ARHGAP8: variants seen among roughly 807,000 people sequenced by gnomAD.
ARHGAP8 encodes the protein rho GTPase-activating protein 8.
A neutral mutation model predicts 46.1 loss-of-function variants in ARHGAP8; 62 were observed. The ratio of observed to expected loss-of-function variants is 1.34; its 90% CI spans 1.10 to 1.66. The LOEUF (loss-of-function observed/expected upper bound fraction) is 1.66, where lower values mean the gene tolerates loss of function less well. ARHGAP8 is among the 40% of genes most tolerant of loss of function. The probability of loss-of-function intolerance (pLI) is 0.00; values close to 1 mark genes in which losing one functional copy is unlikely to be tolerated. For synonymous variants in ARHGAP8, 375 were observed against 243.1 expected, an observed-to-expected ratio of 1.54 and a Z score of -5.05; for missense variants, 923 against 568.4, an observed-to-expected ratio of 1.62 and a Z score of -6.34.
intron 10 of ARHGAP8, among the ~76,000 whole-genome samples, chr22:44,853,629 T>C (rs1359414582): frequency 6.6e-6 from 1 of 152,214 alleles, no homozygotes; most frequent in African/African-American, 2.4e-5. Context: ...AGAATGGGAA[T>C]TGACCTATGT....
At chr22:44,809,247 G>A (rs1421476147) in intron 4 of ARHGAP8, 1 of 443,804 alleles carries the variant, frequency 2.3e-6, no homozygotes, top group Non-Finnish European at 4.8e-6. Flanking sequence ...TGAATTTCAT[G>A]TCATTTTCAC....
At position 44,807,564 on chromosome 22, in the gene ARHGAP8, C is replaced by T. The variant is rs140669667; in HGVS notation, c.168-743C>T. Among the ~76,000 whole-genome samples the T allele has an allele frequency of 2.3e-3, 343 of 152,296 alleles. 1 individual carries two copies. Among genetic ancestry groups the T allele is most frequent in the African/African-American group, 8.0e-3 (332 of 41,554 alleles). ...AAGGGCCTGTGGTGTTGGGGGTCAACGGCAAGGGCTGAGCAGTCAAGCATT... is the reference window on the plus strand; with the variant it reads ...AAGGGCCTGTGGTGTTGGGGGTCAATGGCAAGGGCTGAGCAGTCAAGCATT... On this transcript the variant is annotated intron_variant, in intron 3 of 11. Coordinates refer to ENST00000356099, the MANE Select transcript of ARHGAP8 (RefSeq NM_181335.3).
At chr22:44,754,003 A>G (rs1260392588) in intron 1 of ARHGAP8, among the ~76,000 whole-genome samples, 5 of 152,014 alleles carry the variant, frequency 3.3e-5, no homozygotes, top group Non-Finnish European at 7.4e-5. Context: ...CATTCCCCAA[A>G]CCAACGCCAG....
At chr22:44,786,748 C>T (rs1602173629) in intron 2 of ARHGAP8, 142 bp downstream of exon 2, 2 of 1,293,574 alleles carry the variant, frequency 1.5e-6, no homozygotes, top group East Asian at 5.1e-5. Flanking sequence ...GGTGCAGTGG[C>T]TCATACCTTT....
At position 44,822,440 on chromosome 22, in the gene ARHGAP8, C is replaced by T. The variant is rs753961460; in HGVS notation, c.456C>T (p.Asp152=). 6.4e-7 allele frequency: 1 copy of T among 1,565,258 alleles called. No homozygotes were observed. The highest frequency in any genetic ancestry group is 8.6e-7 in the Non-Finnish European group (1 of 1,163,848). The change falls in exon 6 of 12, where the codon GAC becomes GAT. Residue 152 remains aspartate (D), a synonymous_variant. Coordinates refer to ENST00000356099, the MANE Select transcript of ARHGAP8 (RefSeq NM_181335.3). The part of the protein sequence containing the change: ...LSELHEHLKY[D]QLVIPPEVLR... ...AGCTCCACGAACACCTTAAATACGA[C>T]CAGCTGGTCATCCCTCCCGAAGTTT...
chr22:44,861,360 T>C (rs1363863854), intron 11 of ARHGAP8, among the ~76,000 whole-genome samples: 1 of 152,160 alleles, frequency 6.6e-6, no homozygotes, highest in Non-Finnish European at 1.5e-5. Context: ...TGGGGTGTGG[T>C]GTTGCGTGTT....
chr22:44,827,955 C>A (rs561149184), intron 7 of ARHGAP8, among the ~76,000 whole-genome samples: 1 of 152,252 alleles, frequency 6.6e-6, no homozygotes, highest in East Asian at 1.9e-4. Context: ...GAGGTCTGCA[C>A]GGTCCAGTAT....
intron 2 of ARHGAP8, among the ~76,000 whole-genome samples, chr22:44,795,797 A>G (rs1173338277): frequency 1.3e-5 from 2 of 151,438 alleles, no homozygotes; most frequent in African/African-American, 4.9e-5. Flanking sequence ...CTCCCAGGAC[A>G]CCTCCCGGGA....
At chr22:44,774,708 A>C (rs1342238114) in intron 1 of ARHGAP8, among the ~76,000 whole-genome samples, 4 of 151,638 alleles carry the variant, frequency 2.6e-5, no homozygotes, top group African/African-American at 4.9e-5. Flanking sequence ...TTTTTAGTAG[A>C]GACGGATTTT....
intron 7 of ARHGAP8, among the ~76,000 whole-genome samples, chr22:44,828,279 G>T (rs540298661): frequency 6.6e-6 from 1 of 152,106 alleles, no homozygotes; most frequent in Non-Finnish European, 1.5e-5. Context: ...GAGAATTTGC[G>T]GGTGCGAACA....
At chr22:44,808,587 G>A in intron 4 of ARHGAP8, 149 bp downstream of exon 4, 1 of 1,417,354 alleles carries the variant, frequency 7.1e-7, no homozygotes. Context: ...GGCAGTGGAG[G>A]TTCACCTCCC....
chr22:44,824,742 C>T (rs1325040840), intron 6 of ARHGAP8, among the ~76,000 whole-genome samples: 1 of 151,456 alleles, frequency 6.6e-6, no homozygotes, highest in African/African-American at 2.4e-5. Context: ...AAGTGATTCT[C>T]CTACCTCAGC....
At chr22:44,813,418 GTACA>G (rs1396755661) in intron 4 of ARHGAP8, among the ~76,000 whole-genome samples, 1 of 61,232 alleles carries the variant, frequency 1.6e-5, no homozygotes, top group Non-Finnish European at 2.9e-5. Flanking sequence ...ACACCTACAT[GTACA>G]TACACTTACA....
intron 1 of ARHGAP8, among the ~76,000 whole-genome samples, chr22:44,758,317 G>C (rs1268529443): frequency 6.6e-6 from 1 of 152,164 alleles, no homozygotes; most frequent in Non-Finnish European, 1.5e-5. Flanking sequence ...AGCTACTCGG[G>C]AGGCTGAGGC....
At chr22:44,753,047 G>A in intron 1 of ARHGAP8, among the ~76,000 whole-genome samples, 1 of 151,468 alleles carries the variant, frequency 6.6e-6, no homozygotes, top group Non-Finnish European at 1.5e-5. Context: ...AGCGCCTGGG[G>A]GAGGCACCTC....
intron 7 of ARHGAP8, among the ~76,000 whole-genome samples, chr22:44,825,981 G>T (rs1158256825): frequency 2.0e-5 from 3 of 151,564 alleles, no homozygotes; most frequent in Non-Finnish European, 4.4e-5. Flanking sequence ...GACCGGCAGT[G>T]GGTAGTGGAT....
At chr22:44,857,552 T>C (rs993435413) in intron 10 of ARHGAP8, among the ~76,000 whole-genome samples, 1 of 151,900 alleles carries the variant, frequency 6.6e-6, no homozygotes, top group Non-Finnish European at 1.5e-5. Flanking sequence ...TGATGCCAGG[T>C]TGGAAGAAGA....
chr22:44,762,186 C>T (rs1348541809), intron 1 of ARHGAP8, among the ~76,000 whole-genome samples: 1 of 152,134 alleles, frequency 6.6e-6, no homozygotes, highest in Non-Finnish European at 1.5e-5. Flanking sequence ...GCCTGTGATC[C>T]CAGTGAGCCG....
At chr22:44,861,737 G>C (rs8138737) in intron 11 of ARHGAP8, among the ~76,000 whole-genome samples, 29,401 of 152,044 alleles carry the variant, frequency 0.19, 3,118 homozygotes, top group East Asian at 0.34. Flanking sequence ...GTACCTTCCA[G>C]GCCCCAGATT....
Sources: gnomAD v4.1 joint callset for allele counts (sites outside exome capture counted in the v4.1 genomes callset) on GRCh38, gnomAD v4.1.1 for gene constraint, MANE v1.5 for transcripts, NCBI Gene and HGNC (gene_info 2026-07-23, HGNC 2026-07-21) for gene names.